The following SNTB1 variants were observed in gnomAD, a reference collection of about 807,000 sequenced individuals.
SNTB1 encodes beta-1-syntrophin.
Under a neutral mutation model 48.9 loss-of-function variants are expected in SNTB1, and 36 were observed. The ratio of observed to expected loss-of-function variants is 0.74; its 90% confidence interval spans 0.56 to 0.97. The LOEUF is 0.97. Ranked by LOEUF, SNTB1 falls within the 50% of genes least tolerant of loss-of-function variation. The pLI, the probability that SNTB1 is intolerant of heterozygous loss-of-function variation, is 0.00. For missense variants in SNTB1, 786 were observed against 703.4 expected (o/e 1.12, Z -1.33); for synonymous variants, 299 against 294.6 (o/e 1.01, Z -0.15).
intron 1 of SNTB1, among the ~76,000 whole-genome samples, chr8:120,780,777 C>G (rs941538748): frequency 2.0e-5 from 3 of 152,130 alleles, no homozygotes; most frequent in African/African-American, 7.2e-5. Context: ...GAATAAAGCA[C>G]CATACCTGTT....
At chr8:120,556,144 A>G (rs561654352) in intron 4 of SNTB1, among the ~76,000 whole-genome samples, 1 of 152,180 alleles carries the variant, frequency 6.6e-6, no homozygotes, top group African/African-American at 2.4e-5. Flanking sequence ...TTAAAAGGAG[A>G]AATACTGTCT....
chr8:120,634,187 A>G (rs1388460550), intron 2 of SNTB1, among the ~76,000 whole-genome samples: 1 of 152,240 alleles, frequency 6.6e-6, no homozygotes, highest in Non-Finnish European at 1.5e-5. Context: ...TATATGCAAT[A>G]AATATCATTT....
At chr8:120,785,164 T>C (rs1230042865) in intron 1 of SNTB1, among the ~76,000 whole-genome samples, 1 of 152,188 alleles carries the variant, frequency 6.6e-6, no homozygotes, top group East Asian at 1.9e-4. Context: ...CAGCTGAGAT[T>C]CATGATATAA....
Position 120,669,935 on chromosome 8 carries a change from T to A in SNTB1, c.788+23757A>T, listed in dbSNP as rs1037479762. Reference sequence around the variant, plus strand: ...TAGAAAACGACAAGACATCATTCATTGTCTCATTTTGATGCTAAGTCACTG... The same window carrying A: ...TAGAAAACGACAAGACATCATTCATAGTCTCATTTTGATGCTAAGTCACTG... On this transcript the variant is annotated intron_variant, in intron 2 of 6. Transcript: ENST00000517992. Among the ~76,000 whole-genome samples the A allele has an allele frequency of 1.4e-4, 22 of 152,224 alleles. 1 individual carries two copies. Among genetic ancestry groups the A allele is most frequent in the Non-Finnish European group, 2.9e-4 (20 of 68,034 alleles).
chr8:120,610,612 GA>G (rs1195961139), intron 3 of SNTB1, among the ~76,000 whole-genome samples: 1 of 152,138 alleles, frequency 6.6e-6, no homozygotes, highest in Non-Finnish European at 1.5e-5. Flanking sequence ...GTAAGGAAAG[GA>G]AGAAAAGTAC....
intron 4 of SNTB1, among the ~76,000 whole-genome samples, chr8:120,562,062 G>T (rs964091744): frequency 5.3e-5 from 8 of 152,178 alleles, no homozygotes; most frequent in Non-Finnish European, 1.2e-4. Flanking sequence ...CTTAGAGCTC[G>T]ATTACTGTGA....
chr8:120,804,829 C>A (rs1235821284), intron 1 of SNTB1, among the ~76,000 whole-genome samples: 1 of 152,184 alleles, frequency 6.6e-6, no homozygotes, highest in Non-Finnish European at 1.5e-5. Flanking sequence ...ACACATGAGG[C>A]CCAGACTCTT....
chr8:120,811,142 C>A (rs879395881), intron 1 of SNTB1, 131 bp downstream of exon 1: 356 of 1,205,376 alleles, frequency 3.0e-4, no homozygotes, highest in Non-Finnish European at 3.3e-4. Flanking sequence ...CCCCCCCCCC[C>A]AACACACACA....
At chr8:120,574,604 G>C (rs1815920462) in intron 4 of SNTB1, among the ~76,000 whole-genome samples, 1 of 152,144 alleles carries the variant, frequency 6.6e-6, no homozygotes, top group Non-Finnish European at 1.5e-5. Flanking sequence ...AACCGAGCCT[G>C]GCAGCCACCC....
intron 2 of SNTB1, among the ~76,000 whole-genome samples, chr8:120,686,747 A>C (rs1435259899): frequency 1.3e-5 from 2 of 152,222 alleles, no homozygotes; most frequent in African/African-American, 4.8e-5. Context: ...AGTTTTATTC[A>C]CTGATACAAG....
chr8:120,670,368 G>T (rs1817739564), intron 2 of SNTB1, among the ~76,000 whole-genome samples: 1 of 152,122 alleles, frequency 6.6e-6, no homozygotes, highest in African/African-American at 2.4e-5. Flanking sequence ...ATACGGCAAG[G>T]GCTGGAAAAT....
At chr8:120,568,427 A>C (rs1464934384) in intron 4 of SNTB1, among the ~76,000 whole-genome samples, 2 of 152,124 alleles carry the variant, frequency 1.3e-5, no homozygotes, top group Non-Finnish European at 2.9e-5. Context: ...TCTTGGAGAG[A>C]AGTTGATCAG....
At chr8:120,693,601 C>T (rs2129862445) in intron 2 of SNTB1, 91 bp downstream of exon 2, 1 of 1,068,408 alleles carries the variant, frequency 9.4e-7, no homozygotes. Flanking sequence ...GATGTGTTTT[C>T]AGAACATGAG....
intron 1 of SNTB1, among the ~76,000 whole-genome samples, chr8:120,720,210 A>T (rs1818635797): frequency 6.6e-6 from 1 of 152,152 alleles, no homozygotes; most frequent in African/African-American, 2.4e-5. Flanking sequence ...AGCATATTAG[A>T]CCTTCCCTGG....
rs185948253 is a variant in SNTB1, at chr8:120,657,007, G to A, written c.789-24356C>T. ...AATTAATGACAGTGCTATTTACTAC[G>A]ATAAAAAACTGAAAATGATTCAGAG... On this transcript the variant is annotated intron_variant, in intron 2 of 6. Transcript: ENST00000517992. Among the ~76,000 whole-genome samples the A allele has an allele frequency of 7.9e-4, 120 of 152,240 alleles. 2 individuals are homozygous for A. Among genetic ancestry groups the A allele is most frequent in the Middle Eastern group, 3.4e-3 (1 of 294 alleles).
At chr8:120,707,822 A>T (rs1178668351) in intron 1 of SNTB1, among the ~76,000 whole-genome samples, 1 of 152,296 alleles carries the variant, frequency 6.6e-6, no homozygotes, top group African/African-American at 2.4e-5. Flanking sequence ...AGTAACATGA[A>T]GACATGAGCT....
At chr8:120,702,320 C>T (rs1587100534) in intron 1 of SNTB1, among the ~76,000 whole-genome samples, 2 of 152,194 alleles carry the variant, frequency 1.3e-5, no homozygotes, top group East Asian at 3.9e-4. Flanking sequence ...GAGCCACTCA[C>T]CATCTGGCAC....
intron 2 of SNTB1, among the ~76,000 whole-genome samples, chr8:120,641,050 C>A (rs1000846484): frequency 1.3e-5 from 2 of 151,130 alleles, no homozygotes; most frequent in Non-Finnish European, 2.9e-5. Context: ...ATTTTTTTTT[C>A]TTCCTCTTTC....
intron 2 of SNTB1, among the ~76,000 whole-genome samples, chr8:120,661,504 A>T (rs1235008130): frequency 6.6e-6 from 1 of 152,062 alleles, no homozygotes; most frequent in East Asian, 1.9e-4. Context: ...TTTTACTTTA[A>T]GTTCTAGGAT....
Sources: gnomAD v4.1 joint callset for allele counts (sites outside exome capture counted in the v4.1 genomes callset) on GRCh38, gnomAD v4.1.1 for gene constraint, MANE v1.5 for transcripts, NCBI Gene and HGNC (gene_info 2026-07-23, HGNC 2026-07-21) for gene names.